Variants in CACNA1C observed in about 807,000 individuals in gnomAD.
The protein encoded by CACNA1C is voltage-dependent L-type calcium channel subunit alpha-1C.
A neutral mutation model predicts 229.0 loss-of-function variants in CACNA1C; 30 were observed. The observed-to-expected ratio is 0.13, with a 90% confidence interval of 0.10 to 0.18. CACNA1C has a LOEUF of 0.18. Among genes scored for constraint, CACNA1C ranks in the 10% least tolerant of loss-of-function variants. CACNA1C has a pLI of 1.00. For missense variants in CACNA1C, 1,658 were observed against 2,845.0 expected, an observed-to-expected ratio of 0.58 and a Z score of 9.49; for synonymous variants, 1,114 against 1,132.5, an observed-to-expected ratio of 0.98 and a Z score of 0.33.
chr12:2,042,624 C>T (rs1048594610), intron 1 of CACNA1C, among the ~76,000 whole-genome samples: 7 of 152,228 alleles, frequency 4.6e-5, no homozygotes, highest in Admixed American at 1.3e-4. Context: ...GGGATATGGA[C>T]CTGGAAGGAT....
chr12:2,568,556 C>T (rs139851279), intron 13 of CACNA1C, among the ~76,000 whole-genome samples: 2 of 152,224 alleles, frequency 1.3e-5, no homozygotes, highest in East Asian at 3.9e-4. Context: ...AAAATGTGGT[C>T]TACACATACA....
intron 3 of CACNA1C, among the ~76,000 whole-genome samples, chr12:2,170,924 A>C (rs1178423659): frequency 6.6e-6 from 1 of 152,066 alleles, no homozygotes; most frequent in African/African-American, 2.4e-5. Flanking sequence ...TTGGGAGGGT[A>C]TGTGTTGCCC....
intron 5 of CACNA1C, among the ~76,000 whole-genome samples, chr12:2,468,923 C>T (rs750467621): frequency 1.3e-5 from 2 of 152,254 alleles, no homozygotes; most frequent in Non-Finnish European, 2.9e-5. Flanking sequence ...TCACCTTTCA[C>T]CATGGCAGTT....
intron 3 of CACNA1C, chr12:2,217,426 A>G (rs1020452715): frequency 4.6e-5 from 7 of 152,256 alleles, no homozygotes; most frequent in African/African-American, 1.7e-4. Context: ...TGTTACATGT[A>G]TATATTTTAC....
chr12:2,360,835 G>GT (rs368298579), intron 3 of CACNA1C, among the ~76,000 whole-genome samples: 52 of 150,590 alleles, frequency 3.5e-4, no homozygotes, highest in Middle Eastern at 3.4e-3. Flanking sequence ...TAAATTCAAT[G>GT]TTTTTTTTTT....
chr12:2,340,383 A>G (rs2096827707), intron 3 of CACNA1C, among the ~76,000 whole-genome samples: 1 of 152,244 alleles, frequency 6.6e-6, no homozygotes, highest in African/African-American at 2.4e-5. Flanking sequence ...CCTCACACCC[A>G]TGCCAACAGG....
chr12:2,572,672 C>T (rs2056373174), intron 13 of CACNA1C, among the ~76,000 whole-genome samples: 1 of 131,118 alleles, frequency 7.6e-6, no homozygotes, highest in South Asian at 2.7e-4. Flanking sequence ...TCCTCCTCTT[C>T]CTCCTCCTTC....
intron 34 of CACNA1C, 72 bp from the exon 35 acceptor site, chr12:2,664,753 G>T: frequency 7.7e-7 from 1 of 1,300,558 alleles, no homozygotes; most frequent in Non-Finnish European, 1.0e-6. Context: ...GGACAGGTGG[G>T]GAGGGATGCA....
At chr12:2,292,011 A>G (rs1404884516) in intron 3 of CACNA1C, among the ~76,000 whole-genome samples, 1 of 152,184 alleles carries the variant, frequency 6.6e-6, no homozygotes, top group Non-Finnish European at 1.5e-5. Flanking sequence ...TGACCTGCCC[A>G]GGTCTCAGGC....
At chr12:2,464,712 A>T (rs1013991883) in intron 5 of CACNA1C, among the ~76,000 whole-genome samples, 1 of 152,186 alleles carries the variant, frequency 6.6e-6, no homozygotes, top group Non-Finnish European at 1.5e-5. Context: ...TTATATCTGG[A>T]AGCACACAGA....
At position 2,629,027 on chromosome 12, in the gene CACNA1C, T is replaced by C. The variant is rs2088883769; in HGVS notation, c.3829-5270T>C. On this transcript the variant is annotated intron_variant, in intron 29 of 46. Transcript: ENST00000399655. ...TTTTTTAAAATACTTCCCTAGGTAT[T>C]GGTCCTCACATTAACCCTATGCAAG... Among the ~76,000 whole-genome samples, 3 of 152,290 alleles carry C rather than the reference T, an allele frequency of 2.0e-5. No homozygotes were observed. In the South Asian group the frequency reaches 6.2e-4, roughly 32 times the overall value.
At chr12:2,200,250 G>T (rs2097543934) in intron 3 of CACNA1C, among the ~76,000 whole-genome samples, 1 of 152,188 alleles carries the variant, frequency 6.6e-6, no homozygotes, top group Non-Finnish European at 1.5e-5. Flanking sequence ...TCCTGTGAAT[G>T]CTTTCATTCA....
intron 3 of CACNA1C, among the ~76,000 whole-genome samples, chr12:2,207,155 A>T (rs923652566): frequency 6.6e-6 from 1 of 152,140 alleles, no homozygotes; most frequent in African/African-American, 2.4e-5. Flanking sequence ...TCTTGGCTAC[A>T]TGTGTTGGAG....
chr12:2,322,642 C>T (rs1050013914), intron 3 of CACNA1C, among the ~76,000 whole-genome samples: 13 of 152,236 alleles, frequency 8.5e-5, no homozygotes, highest in African/African-American at 3.1e-4. Flanking sequence ...GTTCCTCCCC[C>T]TTGCCTCCCT....
rs747762858 is a variant in CACNA1C at position 2,691,233 on chromosome 12, G to A, written c.*34G>A. ...GCCAGATGCGGGCTTTTTTTTATTT[G>A]TTTCAATGTTCCTAATGGGTTCGTT... On this transcript the variant is annotated 3_prime_UTR_variant, in exon 47 of 47. Coordinates refer to ENST00000399655, the MANE Select transcript of CACNA1C (RefSeq NM_000719.7). The A allele has an allele frequency of 3.3e-6, 5 of 1,507,964 alleles. No homozygotes were observed. The highest frequency in any genetic ancestry group is 4.4e-6 in the Non-Finnish European group (5 of 1,130,222). The allele number at this position is 1,507,964 out of a possible 1,614,324, so 93.4% of individuals were successfully genotyped here. A position where few individuals can be genotyped will look rare whatever the true frequency, so the allele number is the denominator to read the frequency against.
Position 2,654,546 on chromosome 12 carries a change from C to T in CACNA1C, c.4141-601C>T, listed in dbSNP as rs2095306588. On this transcript the variant is annotated intron_variant, in intron 33 of 46. Coordinates refer to ENST00000399655, the MANE Select transcript of CACNA1C (RefSeq NM_000719.7). This position sits in a 1 kb window ranked among gnomAD's most constrained non-coding sequence, Gnocchi z 4.4. The stretch of plus-strand genomic sequence containing the variant: ...GCGCCCACACTAGCCCAAAGCGCTT[C>T]CTCGGCCGCTCCTTCAGGAAGTCCC... Among the ~76,000 whole-genome samples the T allele has an allele frequency of 6.6e-6, 1 of 152,224 alleles. No individual in the cohort carries two copies. The highest frequency in any genetic ancestry group is 2.1e-4 in the South Asian group (1 of 4,830).
intron 11 of CACNA1C, among the ~76,000 whole-genome samples, chr12:2,563,897 C>T (rs565630457): frequency 8.1e-4 from 124 of 152,296 alleles, no homozygotes; most frequent in African/African-American, 2.9e-3. Flanking sequence ...GCTACATGCC[C>T]GGGGGCTAGG....
chr12:2,063,635 A>G (rs946149604), intron 1 of CACNA1C, among the ~76,000 whole-genome samples: 6 of 152,230 alleles, frequency 3.9e-5, no homozygotes, highest in African/African-American at 1.4e-4. Context: ...TCTTTCAATT[A>G]TACAAAAAAG....
At chr12:2,068,077 C>T (rs2060034190) in intron 1 of CACNA1C, among the ~76,000 whole-genome samples, 1 of 152,218 alleles carries the variant, frequency 6.6e-6, no homozygotes, top group East Asian at 1.9e-4. Flanking sequence ...ACTGGAAAGC[C>T]TCTGGTTGGA....
Sources: allele counts gnomAD v4.1 joint callset (sites outside exome capture counted in the v4.1 genomes callset), GRCh38; gene constraint gnomAD v4.1.1; non-coding constraint Gnocchi (gnomAD v3.1); transcripts MANE v1.5; gene names NCBI Gene and HGNC (gene_info 2026-07-23, HGNC 2026-07-21).